The following CEP85L variants were observed in gnomAD, a reference collection of about 807,000 sequenced individuals.
CEP85L encodes centrosomal protein 85L.
In CEP85L, 60 loss-of-function variants were observed where a neutral mutation model predicts 100.3. The observed-to-expected ratio is 0.60, with a 90% CI of 0.49 to 0.74. The LOEUF is 0.74. CEP85L is among the 30% of genes least tolerant of loss of function. CEP85L has a pLI of 0.00. For missense variants in CEP85L, 973 were observed against 936.2 expected, an observed-to-expected ratio of 1.04 and a Z score of -0.51; for synonymous variants, 319 against 322.7, an observed-to-expected ratio of 0.99 and a Z score of 0.12.
At chr6:118,536,656 C>T (rs1777611678) in intron 3 of CEP85L, among the ~76,000 whole-genome samples, 1 of 152,062 alleles carries the variant, frequency 6.6e-6, no homozygotes, top group African/African-American at 2.4e-5. Context: ...GGTGCAACTC[C>T]ACATCTGCAA....
At position 118,462,856 on chromosome 6, in the gene CEP85L, A is replaced by G. The variant is rs1439145769; in HGVS notation, c.*2549T>C. 1 of 151,962 alleles carries G rather than the reference A, an allele frequency of 6.6e-6. No homozygotes were observed. The highest frequency in any genetic ancestry group is 2.4e-5 in the African/African-American group (1 of 41,430). 9.4% of individuals were successfully genotyped at this position (151,962 alleles called of 1,614,324 possible). ...GAAAAATAAAAATCAAAAAGTAAAT[A>G]CTGACAAACTAGATAGAATACTATT... On this transcript the variant is annotated 3_prime_UTR_variant, in exon 13 of 13. Coordinates refer to ENST00000368491, the MANE Select transcript of CEP85L (RefSeq NM_001042475.3).
intron 2 of CEP85L, among the ~76,000 whole-genome samples, chr6:118,607,799 TA>T (rs1325227648): frequency 6.6e-6 from 1 of 152,066 alleles, no homozygotes. Flanking sequence ...GGGGTCTCAA[TA>T]TTGTCCCTTT....
At chr6:118,530,023 G>A (rs1450570699) in intron 3 of CEP85L, among the ~76,000 whole-genome samples, 5 of 151,294 alleles carry the variant, frequency 3.3e-5, no homozygotes, top group Non-Finnish European at 1.5e-5. Context: ...ATAAAATCCA[G>A]GCCAAAAAAA....
chr6:118,627,074 C>G (rs1773844616), intron 2 of CEP85L, among the ~76,000 whole-genome samples: 2 of 151,702 alleles, frequency 1.3e-5, no homozygotes, highest in African/African-American at 4.8e-5. Flanking sequence ...TGGTGGGTGC[C>G]TGTAATCCCA....
At chr6:118,654,615 T>A (rs2115395468), upstream of CEP85L, among the ~76,000 whole-genome samples, 1 of 152,284 alleles carries the variant, frequency 6.6e-6, no homozygotes, top group African/African-American at 2.4e-5. Flanking sequence ...CAAAAATCAT[T>A]TATAATTTAA....
chr6:118,480,264 A>C, intron 9 of CEP85L, 132 bp downstream of exon 9: 1 of 521,826 alleles, frequency 1.9e-6, no homozygotes, highest in East Asian at 3.3e-5. Flanking sequence ...AAAAACATTC[A>C]AACTAGAAAC....
chr6:118,617,388 C>G (rs1373714942), intron 2 of CEP85L, among the ~76,000 whole-genome samples: 1 of 152,146 alleles, frequency 6.6e-6, no homozygotes, highest in East Asian at 1.9e-4. Context: ...TGGGCCTTAT[C>G]TATCCTCCCA....
chr6:118,698,475 T>C (rs547754931), intron 1 of CEP85L, among the ~76,000 whole-genome samples: 19 of 151,936 alleles, frequency 1.3e-4, no homozygotes, highest in Middle Eastern at 3.4e-3. Flanking sequence ...GTTGAAAATA[T>C]AGTTCTGCTG....
At chr6:118,530,622 A>G (rs1466453884) in intron 3 of CEP85L, among the ~76,000 whole-genome samples, 1 of 152,202 alleles carries the variant, frequency 6.6e-6, no homozygotes, top group African/African-American at 2.4e-5. Flanking sequence ...AGAAAACCCC[A>G]TAGTTTCTCT....
intron 4 of CEP85L, among the ~76,000 whole-genome samples, chr6:118,514,873 G>C (rs1334614334): frequency 6.6e-6 from 1 of 151,742 alleles, no homozygotes; most frequent in Non-Finnish European, 1.5e-5. Flanking sequence ...GGTGTGATTA[G>C]AGCTCACTAC....
chr6:118,659,187 C>T (rs1775890467), intron 1 of CEP85L, among the ~76,000 whole-genome samples: 1 of 152,158 alleles, frequency 6.6e-6, no homozygotes, highest in Non-Finnish European at 1.5e-5. Flanking sequence ...ATATCAAATA[C>T]ATGCATTATT....
intron 1 of CEP85L, among the ~76,000 whole-genome samples, chr6:118,682,669 G>C (rs1776704150): frequency 6.6e-6 from 1 of 151,600 alleles, no homozygotes; most frequent in Non-Finnish European, 1.5e-5. Flanking sequence ...GCTTCAGGTA[G>C]AGGTAAGTGA....
chr6:118,652,942 C>G, upstream of CEP85L: 2 of 523,386 alleles, frequency 3.8e-6, no homozygotes, highest in Non-Finnish European at 3.4e-6. Context: ...AGAAAATTAG[C>G]AGAAGCTATA....
At chr6:118,694,125 T>C (rs1190065000) in intron 1 of CEP85L, among the ~76,000 whole-genome samples, 2 of 152,234 alleles carry the variant, frequency 1.3e-5, no homozygotes, top group South Asian at 2.1e-4. Flanking sequence ...TTATCTTTAC[T>C]TATGTGTCTA....
At chr6:118,623,048 CT>C (rs1773556310) in intron 2 of CEP85L, among the ~76,000 whole-genome samples, 1 of 152,228 alleles carries the variant, frequency 6.6e-6, no homozygotes, top group African/African-American at 2.4e-5. Flanking sequence ...GTGCTCATAC[CT>C]GAAGCCAGCC....
At chr6:118,547,054 ATT>A (rs1338410391) in intron 3 of CEP85L, among the ~76,000 whole-genome samples, 1 of 152,118 alleles carries the variant, frequency 6.6e-6, no homozygotes, top group African/African-American at 2.4e-5. Context: ...GCTGCTACAC[ATT>A]TTAGTTACCC....
chr6:118,516,122 G>A (rs1453884773), intron 4 of CEP85L, among the ~76,000 whole-genome samples: 1 of 152,102 alleles, frequency 6.6e-6, no homozygotes, highest in Non-Finnish European at 1.5e-5. Context: ...TGGTGTATAT[G>A]TGCCACATTT....
At chr6:118,678,643 C>T (rs1023773780) in intron 1 of CEP85L, among the ~76,000 whole-genome samples, 2 of 152,222 alleles carry the variant, frequency 1.3e-5, no homozygotes, top group African/African-American at 4.8e-5. Context: ...GCTTTATCCT[C>T]AATGCTTGCA....
At chr6:118,678,121 C>T (rs1322895474) in intron 1 of CEP85L, among the ~76,000 whole-genome samples, 1 of 152,126 alleles carries the variant, frequency 6.6e-6, no homozygotes, top group Non-Finnish European at 1.5e-5. Context: ...AGGGAGTTCC[C>T]AATGGATCAA....
Sources: gnomAD v4.1 joint callset for allele counts (sites outside exome capture counted in the v4.1 genomes callset) on GRCh38, gnomAD v4.1.1 for gene constraint, MANE v1.5 for transcripts, NCBI Gene and HGNC (gene_info 2026-07-23, HGNC 2026-07-21) for gene names.